PPFIA2: variants seen among roughly 807,000 people sequenced by gnomAD.
PPFIA2 encodes liprin-alpha-2.
A neutral mutation model predicts 175.5 loss-of-function variants in PPFIA2; 46 were observed. The ratio of observed to expected loss-of-function variants is 0.26; its 90% CI spans 0.21 to 0.34. The LOEUF (loss-of-function observed/expected upper bound fraction) is 0.34. Among genes scored for constraint, PPFIA2 ranks in the 10% least tolerant of loss-of-function variants. The pLI is 1.00. For missense variants in PPFIA2, 1,179 were observed against 1,506.1 expected, an observed-to-expected ratio of 0.78 and a Z score of 3.60; for synonymous variants, 568 against 511.4, an observed-to-expected ratio of 1.11 and a Z score of -1.49.
chr12:81,740,689 A>G (rs1045836867), intron 3 of PPFIA2, among the ~76,000 whole-genome samples: 1 of 152,204 alleles, frequency 6.6e-6, no homozygotes, highest in Non-Finnish European at 1.5e-5. Context: ...TGAATCATAA[A>G]CATGCTAATA....
intron 3 of PPFIA2, among the ~76,000 whole-genome samples, chr12:81,709,918 T>C (rs1459572890): frequency 2.6e-5 from 4 of 152,054 alleles, no homozygotes; most frequent in Non-Finnish European, 5.9e-5. Context: ...CCATACTGTC[T>C]TCCCAAAATA....
At position 81,469,927 on chromosome 12, in the gene PPFIA2, C is replaced by A. The variant is rs11114869; in HGVS notation, c.304-12061G>T. ...CTCTCTCTGCTATGTGAGGGCACAG[C>A]GAGAAGGCAGCCATCTGCAAGCCAG... On this transcript the variant is annotated intron_variant, in intron 4 of 32. Coordinates refer to ENST00000549396, the MANE Select transcript of PPFIA2 (RefSeq NM_003625.5). Among the ~76,000 whole-genome samples, 539 of 152,246 alleles carry A rather than the reference C, an allele frequency of 3.5e-3. 3 individuals carry two copies. Among genetic ancestry groups the A allele is most frequent in the African/African-American group, 0.012 (504 of 41,562 alleles).
intron 4 of PPFIA2, among the ~76,000 whole-genome samples, chr12:81,641,028 A>G (rs1424905366): frequency 6.6e-6 from 1 of 152,166 alleles, no homozygotes; most frequent in Non-Finnish European, 1.5e-5. Context: ...ATTTTTATAC[A>G]TGTACATAAT....
At chr12:81,548,154 C>T (rs2067277566) in intron 4 of PPFIA2, among the ~76,000 whole-genome samples, 1 of 151,984 alleles carries the variant, frequency 6.6e-6, no homozygotes, top group Non-Finnish European at 1.5e-5. Flanking sequence ...CAAGAAACAC[C>T]AGAGTAGGAG....
intron 23 of PPFIA2, among the ~76,000 whole-genome samples, chr12:81,297,354 T>C (rs1173985146): frequency 6.6e-6 from 1 of 152,012 alleles, no homozygotes; most frequent in Non-Finnish European, 1.5e-5. Context: ...AGTATAAACA[T>C]CCTTTTAGTT....
chr12:81,262,870 C>G (rs1348156631), intron 31 of PPFIA2, among the ~76,000 whole-genome samples: 2 of 152,108 alleles, frequency 1.3e-5, no homozygotes, highest in African/African-American at 2.4e-5. Context: ...GAGTTAATTT[C>G]CATTTACTAT....
At chr12:81,470,630 C>A (rs893980946) in intron 4 of PPFIA2, among the ~76,000 whole-genome samples, 2 of 152,144 alleles carry the variant, frequency 1.3e-5, no homozygotes, top group Admixed American at 1.3e-4. Flanking sequence ...ATGTTCATAG[C>A]AGTGTTATTC....
At chr12:81,425,172 C>T (rs2046927463) in intron 7 of PPFIA2, among the ~76,000 whole-genome samples, 1 of 152,112 alleles carries the variant, frequency 6.6e-6, no homozygotes, top group Non-Finnish European at 1.5e-5. Context: ...TTAATAACAG[C>T]AATAACCTCG....
intron 3 of PPFIA2, among the ~76,000 whole-genome samples, chr12:81,750,512 T>G (rs2083611225): frequency 6.6e-6 from 1 of 151,696 alleles, no homozygotes; most frequent in African/African-American, 2.4e-5. Flanking sequence ...TGACTGGGTT[T>G]GGAGCATGTT....
At chr12:81,282,964 G>T in intron 26 of PPFIA2, 46 bp downstream of exon 26, 3 of 1,522,430 alleles carry the variant, frequency 2.0e-6, no homozygotes, top group Non-Finnish European at 2.7e-6. Context: ...TATTCTCATT[G>T]CCTACTAAAT....
chr12:81,460,259 G>T (rs1043876472), intron 4 of PPFIA2, among the ~76,000 whole-genome samples: 2 of 151,998 alleles, frequency 1.3e-5, no homozygotes, highest in African/African-American at 4.8e-5. Flanking sequence ...GAGATCTGAT[G>T]ATTTTATAAA....
intron 6 of PPFIA2, among the ~76,000 whole-genome samples, 189 bp from the exon 7 acceptor site, chr12:81,440,235 T>A (rs554645321): frequency 1.3e-5 from 2 of 152,280 alleles, no homozygotes; most frequent in South Asian, 2.1e-4. Flanking sequence ...ATTGTCACTG[T>A]ATCAAGGGAT....
At position 81,362,765 on chromosome 12, in the gene PPFIA2, A is replaced by C; in HGVS notation, c.1565T>G (p.Ile522Ser). ...LHDKERLAEE[I>S]EKLRSELDQL... ...GTCAAGTTCAGATCTCAGCTTTTCA[A>C]TTTCTTCTGCTAATCTTTCCTAAAA... The change falls in exon 15 of 33, where the codon ATT becomes AGT. Residue 522 changes from isoleucine (I) to serine (S), a missense_variant. This residue lies in a region of PPFIA2 where 186 missense variants were observed against 163.6 expected (regional missense o/e 1.14). Transcript: ENST00000549396. 1 of 1,545,636 alleles carries C rather than the reference A, an allele frequency of 6.5e-7. No homozygotes were observed. The highest frequency in any genetic ancestry group is 8.8e-7 in the Non-Finnish European group (1 of 1,142,640).
intron 4 of PPFIA2, among the ~76,000 whole-genome samples, chr12:81,502,112 C>T (rs1164350052): frequency 6.6e-6 from 1 of 152,122 alleles, no homozygotes; most frequent in Non-Finnish European, 1.5e-5. Context: ...ATGCCCTTTT[C>T]TCATTATGAG....
intron 9 of PPFIA2, chr12:81,378,260 T>TG (rs1335621422): frequency 6.6e-6 from 1 of 152,122 alleles, no homozygotes; most frequent in Non-Finnish European, 1.5e-5. Context: ...CAATTTGTTA[T>TG]GGCAGGTTTA....
At chr12:81,345,345 A>G (rs1247059887) in intron 18 of PPFIA2, among the ~76,000 whole-genome samples, 2 of 152,102 alleles carry the variant, frequency 1.3e-5, no homozygotes, top group Non-Finnish European at 2.9e-5. Context: ...GATATTAAAC[A>G]CTTTAAATAT....
At chr12:81,390,684 T>C (rs1375169947) in intron 8 of PPFIA2, among the ~76,000 whole-genome samples, 1 of 151,984 alleles carries the variant, frequency 6.6e-6, no homozygotes, top group Non-Finnish European at 1.5e-5. Context: ...AAGTATTTTA[T>C]GAAACATATG....
At chr12:81,319,973 T>C (rs926372432) in intron 22 of PPFIA2, among the ~76,000 whole-genome samples, 1 of 151,988 alleles carries the variant, frequency 6.6e-6, no homozygotes, top group Non-Finnish European at 1.5e-5. Flanking sequence ...TCTGTGTATA[T>C]AGAATACTCA....
chr12:81,422,744 C>A (rs963156043), intron 7 of PPFIA2, among the ~76,000 whole-genome samples: 2 of 152,006 alleles, frequency 1.3e-5, no homozygotes, highest in African/African-American at 4.8e-5. Context: ...TCCCACAACA[C>A]GTGGGAATTC....
Sources: gnomAD v4.1 joint callset for allele counts (sites outside exome capture counted in the v4.1 genomes callset) on GRCh38, gnomAD v4.1.1 for gene constraint, gnomAD v4.1.1 regional missense constraint, MANE v1.5 for transcripts, NCBI Gene and HGNC (gene_info 2026-07-23, HGNC 2026-07-21) for gene names.